Variants in ARHGAP26 observed in about 807,000 individuals in gnomAD.
The protein encoded by ARHGAP26 is Rho GTPase activating protein 26, also known as rho GTPase-activating protein 26.
ARHGAP26 carries 38 observed loss-of-function variants against 104.8 expected under a neutral mutation model. The ratio of observed to expected loss-of-function variants is 0.36; its 90% confidence interval spans 0.28 to 0.48. The LOEUF is 0.48. Among genes scored for constraint, ARHGAP26 ranks in the 20% least tolerant of loss-of-function variants. The probability of loss-of-function intolerance (pLI) is 0.99; values close to 1 mark genes in which losing one functional copy is unlikely to be tolerated. For missense variants in ARHGAP26, 704 were observed against 947.9 expected, an observed-to-expected ratio of 0.74 and a Z score of 3.38; for synonymous variants, 341 against 340.0, an observed-to-expected ratio of 1.00 and a Z score of -0.03.
At chr5:142,885,959 G>A (rs1003265280) in intron 5 of ARHGAP26, among the ~76,000 whole-genome samples, 4 of 152,012 alleles carry the variant, frequency 2.6e-5, no homozygotes, top group African/African-American at 9.7e-5. Flanking sequence ...TTAAATTTGC[G>A]CTTGGTTTTT....
intron 11 of ARHGAP26, among the ~76,000 whole-genome samples, chr5:142,989,427 C>G (rs1038854931): frequency 1.3e-5 from 2 of 152,114 alleles, no homozygotes; most frequent in East Asian, 1.9e-4. Context: ...GACTCTTTAT[C>G]CAGTTTGCAA....
Position 143,223,067 on chromosome 5 carries a change from CA to C in ARHGAP26, c.*622del. ...TCAGTGAGATACAATCCAGTCTTCT[CA>C]TGCACGGGAACACACACACCCTGCG... On this transcript the variant is annotated 3_prime_UTR_variant, in exon 23 of 23. Coordinates refer to ENST00000645722, the MANE Select transcript of ARHGAP26 (RefSeq NM_001135608.3). 4.3e-6 allele frequency: 1 copy of C among 233,494 alleles called. No individual in the cohort carries two copies. The highest frequency in any genetic ancestry group is 6.0e-5 in the East Asian group (1 of 16,562). The allele number at this position is 233,494 out of a possible 1,614,324, so 14.5% of individuals were successfully genotyped here. A position where few individuals can be genotyped will look rare whatever the true frequency, so the allele number is the denominator to read the frequency against.
intron 20 of ARHGAP26, among the ~76,000 whole-genome samples, chr5:143,162,170 T>C (rs997198497): frequency 6.6e-6 from 1 of 151,404 alleles, no homozygotes; most frequent in Non-Finnish European, 1.5e-5. Flanking sequence ...ATCCCCTCTG[T>C]AGCATCCATA....
intron 7 of ARHGAP26, 34 bp downstream of exon 7, chr5:142,902,073 G>A (rs1760430444): frequency 1.9e-6 from 3 of 1,587,588 alleles, no homozygotes; most frequent in Non-Finnish European, 2.6e-6. Flanking sequence ...TCTTTTATCT[G>A]GTTAAGGAAA....
chr5:142,936,935 G>A (rs1285372054), intron 11 of ARHGAP26, among the ~76,000 whole-genome samples: 1 of 152,116 alleles, frequency 6.6e-6, no homozygotes, highest in Non-Finnish European at 1.5e-5. Flanking sequence ...AGAAGAATGT[G>A]TGGAATCTAG....
chr5:143,074,911 C>G (rs760731695), intron 17 of ARHGAP26, among the ~76,000 whole-genome samples: 1 of 152,208 alleles, frequency 6.6e-6, no homozygotes, highest in Non-Finnish European at 1.5e-5. Flanking sequence ...AGCTCACAGC[C>G]TAGAGGGTAG....
At chr5:142,994,953 T>C (rs13154796) in intron 11 of ARHGAP26, among the ~76,000 whole-genome samples, 2,399 of 152,180 alleles carry the variant, frequency 0.016, 22 homozygotes, top group Middle Eastern at 0.058. Flanking sequence ...ATAAATGGTG[T>C]TGGGAAAACT....
intron 1 of ARHGAP26, among the ~76,000 whole-genome samples, chr5:142,811,476 C>T (rs144299188): frequency 7.6e-4 from 116 of 152,258 alleles, no homozygotes; most frequent in Non-Finnish European, 1.0e-3. Flanking sequence ...CTGGCCTGTC[C>T]GTCACGTGTA....
At chr5:142,936,375 A>G (rs1765425673) in intron 11 of ARHGAP26, among the ~76,000 whole-genome samples, 1 of 152,200 alleles carries the variant, frequency 6.6e-6, no homozygotes, top group South Asian at 2.1e-4. Flanking sequence ...GCTGAAAGAA[A>G]CTAAAGAGGA....
At chr5:143,187,372 A>G (rs563174257) in intron 20 of ARHGAP26, among the ~76,000 whole-genome samples, 2 of 152,174 alleles carry the variant, frequency 1.3e-5, no homozygotes, top group Admixed American at 6.5e-5. Flanking sequence ...CTTCCAAGCC[A>G]TTTTTTCCTC....
At chr5:143,017,727 A>G (rs1016356471) in intron 12 of ARHGAP26, among the ~76,000 whole-genome samples, 2 of 152,082 alleles carry the variant, frequency 1.3e-5, no homozygotes, top group African/African-American at 4.8e-5. Flanking sequence ...ATTACTGCAT[A>G]ATTTGTGGTA....
At chr5:143,063,994 C>T (rs867523969) in intron 17 of ARHGAP26, among the ~76,000 whole-genome samples, 11 of 152,310 alleles carry the variant, frequency 7.2e-5, no homozygotes, top group Middle Eastern at 3.4e-3. Flanking sequence ...AAGTTACAAA[C>T]GAAGCCCATG....
intron 17 of ARHGAP26, among the ~76,000 whole-genome samples, chr5:143,101,639 CTT>C (rs554294542): frequency 1.4e-5 from 2 of 145,092 alleles, no homozygotes; most frequent in Non-Finnish European, 1.5e-5. Context: ...CTTTTCCCTT[CTT>C]TTTTTTTTTT....
intron 20 of ARHGAP26, chr5:143,170,060 T>G (rs1002504853): frequency 6.6e-6 from 1 of 152,198 alleles, no homozygotes; most frequent in African/African-American, 2.4e-5. Flanking sequence ...AAAAACAAAT[T>G]TCTGGGAAAA....
chr5:143,029,392 GTTTTTTTTTTT>G (rs536919888), intron 12 of ARHGAP26, among the ~76,000 whole-genome samples: 64 of 80,846 alleles, frequency 7.9e-4, no homozygotes, highest in Admixed American at 3.6e-3. Context: ...TTACTTCTCA[GTTTTTTTTTTT>G]TTTTTTTTTT....
In ARHGAP26 at chr5:142,871,960, A is replaced by G. The variant is rs568344196; in HGVS notation, c.155-1440A>G. Among the ~76,000 whole-genome samples the G allele has an allele frequency of 2.6e-5, 4 of 152,334 alleles. No individual in the cohort carries two copies. The highest frequency in any genetic ancestry group is 7.2e-5 in the African/African-American group (3 of 41,584). ...ACCGCAGCTATCTCGGGACCGTGTC[A>G]TCACAGCGTGTGGGAGGGCAGTCCA... is the stretch of plus-strand genomic sequence containing the variant. On this transcript the variant is annotated intron_variant, in intron 1 of 22. Transcript: ENST00000645722. The surrounding 1 kb of genome is among the most constrained non-coding windows in gnomAD (Gnocchi z 4.1).
intron 1 of ARHGAP26, among the ~76,000 whole-genome samples, chr5:142,825,056 C>T (rs1766964846): frequency 6.6e-6 from 1 of 152,166 alleles, no homozygotes; most frequent in Non-Finnish European, 1.5e-5. Context: ...CCCCTCCCCT[C>T]TCCTTCAAGC....
intron 6 of ARHGAP26, among the ~76,000 whole-genome samples, chr5:142,898,566 C>T (rs902423516): frequency 2.0e-5 from 3 of 152,194 alleles, no homozygotes; most frequent in African/African-American, 7.2e-5. Context: ...TGGGCCTCCC[C>T]GTTCTCCAGT....
intron 1 of ARHGAP26, among the ~76,000 whole-genome samples, chr5:142,803,567 C>T (rs368830729): frequency 6.6e-5 from 10 of 152,268 alleles, no homozygotes; most frequent in African/African-American, 1.4e-4. Flanking sequence ...AGAAATAAGC[C>T]GGACGGAAAT....
Sources: allele counts gnomAD v4.1 joint callset (sites outside exome capture counted in the v4.1 genomes callset), GRCh38; gene constraint gnomAD v4.1.1; non-coding constraint Gnocchi (gnomAD v3.1); transcripts MANE v1.5; gene names NCBI Gene and HGNC (gene_info 2026-07-23, HGNC 2026-07-21).